SLIT3: variants seen among roughly 807,000 people sequenced by gnomAD.
SLIT3 encodes the protein slit homolog 3 protein.
Under a neutral mutation model 184.0 loss-of-function variants are expected in SLIT3, and 68 were observed. The observed-to-expected ratio is 0.37, with a 90% CI of 0.30 to 0.45. The LOEUF is 0.45. Among genes scored for constraint, SLIT3 ranks in the 20% least tolerant of loss-of-function variants. The probability of loss-of-function intolerance (pLI) is 1.00; values close to 1 mark genes in which losing one functional copy is unlikely to be tolerated. For missense variants in SLIT3, 1,707 were observed against 2,026.0 expected (o/e 0.84, Z 3.02); for synonymous variants, 831 against 828.6 (o/e 1.00, Z -0.05).
intron 8 of SLIT3, among the ~76,000 whole-genome samples, chr5:168,807,935 C>T (rs1757031275): frequency 6.6e-6 from 1 of 152,158 alleles, no homozygotes; most frequent in Non-Finnish European, 1.5e-5. Context: ...GTGGATCCTC[C>T]TGCAGGGGCT....
intron 3 of SLIT3, among the ~76,000 whole-genome samples, chr5:169,220,770 T>C (rs1360467754): frequency 1.3e-5 from 2 of 152,214 alleles, no homozygotes; most frequent in East Asian, 3.8e-4. Context: ...GAGAGAAATA[T>C]GGTCATCTCA....
chr5:169,089,053 A>G (rs28414589), intron 4 of SLIT3, among the ~76,000 whole-genome samples: 54 of 139,922 alleles, frequency 3.9e-4, no homozygotes, highest in African/African-American at 1.3e-3. Flanking sequence ...AAAAAAAAAA[A>G]AAGAAGTGCT....
At chr5:169,242,613 T>A (rs1765440034) in intron 3 of SLIT3, among the ~76,000 whole-genome samples, 1 of 152,194 alleles carries the variant, frequency 6.6e-6, no homozygotes, top group Admixed American at 6.5e-5. Context: ...GAAGACTTTG[T>A]CCCTGAGTCT....
At chr5:168,679,667 A>G (rs1582520756) in intron 32 of SLIT3, among the ~76,000 whole-genome samples, 1 of 152,118 alleles carries the variant, frequency 6.6e-6, no homozygotes, top group Non-Finnish European at 1.5e-5. Context: ...AGTAACAAAA[A>G]GTTCCTGGGA....
intron 4 of SLIT3, among the ~76,000 whole-genome samples, chr5:169,030,228 A>G (rs1165169027): frequency 1.3e-5 from 2 of 152,142 alleles, no homozygotes; most frequent in Non-Finnish European, 2.9e-5. Context: ...TAAACACACA[A>G]ATGCTTGGAT....
chr5:169,264,456 G>C (rs1439272323), intron 1 of SLIT3, among the ~76,000 whole-genome samples: 1 of 152,134 alleles, frequency 6.6e-6, no homozygotes, highest in Non-Finnish European at 1.5e-5. Context: ...GGAATTACAG[G>C]CGTGAGCCAC....
intron 20 of SLIT3, 140 bp downstream of exon 20, chr5:168,748,162 A>T: frequency 1.0e-6 from 1 of 988,094 alleles, no homozygotes; most frequent in Non-Finnish European, 1.4e-6. Flanking sequence ...CTCCACTGCC[A>T]TCTTGCTGGG....
At chr5:168,929,630 A>C (rs1761927701) in intron 4 of SLIT3, among the ~76,000 whole-genome samples, 1 of 152,230 alleles carries the variant, frequency 6.6e-6, no homozygotes, top group Non-Finnish European at 1.5e-5. Flanking sequence ...TTCCTTGGCT[A>C]ATCTGGAGGG....
chr5:168,792,765 A>G (rs1438837198), intron 10 of SLIT3, among the ~76,000 whole-genome samples: 1 of 152,310 alleles, frequency 6.6e-6, no homozygotes, highest in East Asian at 1.9e-4. Context: ...AGTGCTTTCT[A>G]CTGCTTCTCT....
At chr5:168,727,050 T>TGGC (rs1763155320) in intron 20 of SLIT3, among the ~76,000 whole-genome samples, 1 of 147,244 alleles carries the variant, frequency 6.8e-6, no homozygotes, top group Admixed American at 6.8e-5. Context: ...CTGGGCACGG[T>TGGC]GGCTCACTCT....
chr5:168,756,857 G>A (rs1238310331), intron 16 of SLIT3, among the ~76,000 whole-genome samples: 1 of 152,148 alleles, frequency 6.6e-6, no homozygotes, highest in Non-Finnish European at 1.5e-5. Context: ...TGAAGTGGGA[G>A]GGTTCCCATT....
chr5:168,828,313 G>A (rs1448364245), intron 6 of SLIT3, among the ~76,000 whole-genome samples: 2 of 152,032 alleles, frequency 1.3e-5, no homozygotes, highest in Non-Finnish European at 2.9e-5. Context: ...GTGCATGGAA[G>A]GAACTTGGGC....
At chr5:169,136,580 G>A (rs554443497) in intron 4 of SLIT3, among the ~76,000 whole-genome samples, 14 of 152,304 alleles carry the variant, frequency 9.2e-5, no homozygotes, top group African/African-American at 3.4e-4. Context: ...ATGTCAACAA[G>A]GCTATGGTGG....
rs151273557 is a variant in SLIT3, at chr5:168,748,202, G to GT, written c.2270+99dup. The GT allele has an allele frequency of 5.8e-4, 774 of 1,344,362 alleles. 6 individuals are homozygous for GT. The African/African-American group carries it at 0.011, about 19-fold the overall frequency. The allele number at this position is 1,344,362 out of a possible 1,614,324, so 83.3% of individuals were successfully genotyped here. A position where few individuals can be genotyped will look rare whatever the true frequency, so the allele number is the denominator to read the frequency against. On this transcript the variant is annotated intron_variant, in intron 20 of 35. Transcript: ENST00000519560. ...ATTCAAGTAGGGTCTCCCCCCGGCA[G>GT]TTTCGCCATGTTGCCTTGCTTGAGA...
At chr5:169,260,508 G>A (rs377001361) in intron 1 of SLIT3, among the ~76,000 whole-genome samples, 3 of 152,140 alleles carry the variant, frequency 2.0e-5, no homozygotes, top group Non-Finnish European at 2.9e-5. Flanking sequence ...GTTACAGTTC[G>A]TCTTTATGAC....
At position 168,846,936 on chromosome 5, in the gene SLIT3, AT is replaced by A. The variant is rs200180042; in HGVS notation, c.486-2282del. On this transcript the variant is annotated intron_variant, in intron 5 of 35. Transcript: ENST00000519560. ...AATAAACCAAAGTGGGAGAAAGAGAATAAAAAAAGTATGTGGTGAGGGGAGA... is the reference window on the plus strand; with the variant it reads ...AATAAACCAAAGTGGGAGAAAGAGAAAAAAAAAGTATGTGGTGAGGGGAGA... Among the ~76,000 whole-genome samples, 141 of 106,782 alleles carry A rather than the reference AT, an allele frequency of 1.3e-3. 2 individuals are homozygous for A. In the East Asian group the frequency reaches 0.035, roughly 26 times the overall value. 70.1% of individuals were successfully genotyped at this position (106,782 alleles called of 152,430 possible).
chr5:168,671,105 C>T, intron 34 of SLIT3, 93 bp downstream of exon 34: 1 of 1,412,490 alleles, frequency 7.1e-7, no homozygotes. Context: ...TGCAACTCCT[C>T]CAGCCTCCAG....
chr5:168,759,424 T>C (rs1398987834), intron 16 of SLIT3, among the ~76,000 whole-genome samples: 1 of 152,158 alleles, frequency 6.6e-6, no homozygotes, highest in Non-Finnish European at 1.5e-5. Context: ...ATAAAACTGC[T>C]CTCACGCACA....
At chr5:168,700,852 C>T (rs1375849280) in intron 26 of SLIT3, among the ~76,000 whole-genome samples, 173 bp from the exon 27 acceptor site, 1 of 152,218 alleles carries the variant, frequency 6.6e-6, no homozygotes, top group Non-Finnish European at 1.5e-5. Context: ...GGAGCCCTAA[C>T]CCCTAGTCAC....
Sources: allele counts gnomAD v4.1 joint callset (sites outside exome capture counted in the v4.1 genomes callset), GRCh38; gene constraint gnomAD v4.1.1; transcripts MANE v1.5; gene names NCBI Gene and HGNC (gene_info 2026-07-23, HGNC 2026-07-21).